The following MADD variants were observed in gnomAD, a reference collection of about 807,000 sequenced individuals.
The protein encoded by MADD is MAP kinase-activating death domain protein.
MADD carries 109 observed loss-of-function variants against 176.7 expected under a neutral mutation model. That is an observed-to-expected ratio of 0.62 (90% CI 0.53 to 0.72). The LOEUF is 0.72. MADD is among the 30% of genes least tolerant of loss of function. MADD has a pLI of 0.00. For synonymous variants in MADD, 771 were observed against 771.3 expected (o/e 1.00, Z 0.01); for missense variants, 1,914 against 2,045.5 (o/e 0.94, Z 1.24).
At chr11:47,303,111 G>A (rs776622459) in intron 22 of MADD, among the ~76,000 whole-genome samples, 8 of 151,854 alleles carry the variant, frequency 5.3e-5, no homozygotes, top group Non-Finnish European at 1.0e-4. Context: ...ATTCTTGACT[G>A]AGATTCTTTT....
chr11:47,294,072 G>A lies in MADD; in HGVS notation c.3402+89G>A, dbSNP rs888752374. ...GTTAAAATAGAACAGTCAGACAGCC[G>A]GGCACAGTGGCTCATGCTTGTAATC... On this transcript the variant is annotated intron_variant, in intron 20 of 32. Transcript: ENST00000402192. 8.4e-6 allele frequency: 9 copies of A among 1,074,744 alleles called. No individual in the cohort carries two copies. The Admixed American group carries it at 1.2e-4, about 14-fold the overall frequency. 66.6% of individuals were successfully genotyped at this position (1,074,744 alleles called of 1,614,324 possible).
chr11:47,295,295 A>T lies in MADD; in HGVS notation c.3403-201A>T, dbSNP rs1484837363. ...CCAAAGTGCTAGGACTACAGGCGTG[A>T]GCCACTGTGCCCGGCCTATTTCTTT... On this transcript the variant is annotated intron_variant, in intron 20 of 32. Coordinates refer to ENST00000402192, the Ensembl canonical transcript of MADD. Among the ~76,000 whole-genome samples, 5 of 152,138 alleles carry T rather than the reference A, an allele frequency of 3.3e-5. No homozygotes were observed. In the East Asian group the frequency reaches 9.6e-4, roughly 29 times the overall value.
At chr11:47,296,683 C>T (rs1183924902) in intron 22 of MADD, among the ~76,000 whole-genome samples, 1 of 151,858 alleles carries the variant, frequency 6.6e-6, no homozygotes, top group African/African-American at 2.4e-5. Flanking sequence ...AAGAACTTCC[C>T]TAGATCACAC....
intron 26 of MADD, among the ~76,000 whole-genome samples, chr11:47,313,868 T>C (rs1320326568): frequency 6.6e-6 from 1 of 152,016 alleles, no homozygotes; most frequent in Non-Finnish European, 1.5e-5. Flanking sequence ...CAAGCTATTC[T>C]CCTGCCTCAG....
intron 22 of MADD, among the ~76,000 whole-genome samples, chr11:47,298,391 C>T (rs1017111426): frequency 7.9e-5 from 12 of 152,200 alleles, no homozygotes; most frequent in African/African-American, 2.7e-4. Flanking sequence ...TAAATGGAAG[C>T]GGCAGTGAGA....
At chr11:47,284,667 A>C in intron 12 of MADD, 102 bp downstream of exon 12, 1 of 1,428,880 alleles carries the variant, frequency 7.0e-7, no homozygotes, top group Non-Finnish European at 9.4e-7. Context: ...CTTCTCACAC[A>C]ATTTTCTCAT....
intron 19 of MADD, among the ~76,000 whole-genome samples, chr11:47,293,075 G>T: frequency 6.6e-6 from 1 of 152,168 alleles, no homozygotes; most frequent in East Asian, 1.9e-4. Flanking sequence ...GGACAAGGGG[G>T]GTGGTTTTCA....
At position 47,309,273 on chromosome 11, in the gene MADD, C is replaced by G. The variant is rs759846851; in HGVS notation, c.3752-8C>G. On this transcript the variant is annotated splice_region_variant and splice_polypyrimidine_tract_variant and intron_variant, in intron 23 of 32. Transcript: ENST00000402192. ...ATAGGCCCCCTAAGAAACCTTTATT[C>G]TATGCAGGCAAAGAGCGTTCTACTT... The G allele has an allele frequency of 4.3e-6, 7 of 1,612,680 alleles. No individual in the cohort carries two copies. Among genetic ancestry groups the G allele is most frequent in the Middle Eastern group, 3.3e-4 (2 of 6,076 alleles).
At chr11:47,290,552 A>G in intron 18 of MADD, 58 bp from the exon 20 acceptor site, 1 of 1,538,410 alleles carries the variant, frequency 6.5e-7, no homozygotes, top group Non-Finnish European at 8.9e-7. Flanking sequence ...CCCACCTCAT[A>G]TCTGCGCCTT....
chr11:47,279,315 A>G (rs931025016), intron 7 of MADD, among the ~76,000 whole-genome samples: 10 of 151,434 alleles, frequency 6.6e-5, no homozygotes, highest in Admixed American at 2.0e-4. Context: ...GCTGTATAAA[A>G]TAGCCCTTCA....
chr11:47,310,138 G>A (rs944220186), intron 25 of MADD, among the ~76,000 whole-genome samples: 1 of 150,474 alleles, frequency 6.6e-6, no homozygotes, highest in African/African-American at 2.4e-5. Flanking sequence ...CAGTGCGCCC[G>A]ACCAAGAACT....
rs779738533 is a variant in MADD, at chr11:47,284,341, G to A, written c.1967-34G>A. ...CAGGGGTTGGGGGCCCAAGGATGGA[G>A]TGGTCTGTACCTGCCTCCCTTGGAT... On this transcript the variant is annotated intron_variant, in intron 11 of 32. Transcript: ENST00000402192. 1.4e-5 allele frequency: 22 copies of A among 1,613,816 alleles called. 1 individual carries two copies. The South Asian group carries it at 2.2e-4, about 16-fold the overall frequency.
intron 26 of MADD, among the ~76,000 whole-genome samples, chr11:47,313,909 G>A (rs1446033401): frequency 6.6e-6 from 1 of 151,926 alleles, no homozygotes; most frequent in Non-Finnish European, 1.5e-5. Flanking sequence ...ACAGGTGCCC[G>A]CCACAACGCC....
At position 47,284,365 on chromosome 11, in the gene MADD, A is replaced by G; in HGVS notation, c.1967-10A>G. ...AGTGGTCTGTACCTGCCTCCCTTGGATTTTGGCAGATGTGGACCCTCTGAC... is the reference window on the plus strand; with the variant it reads ...AGTGGTCTGTACCTGCCTCCCTTGGGTTTTGGCAGATGTGGACCCTCTGAC... On this transcript the variant is annotated splice_polypyrimidine_tract_variant and intron_variant, in intron 11 of 32. Coordinates refer to ENST00000402192, the Ensembl canonical transcript of MADD. 1 of 1,614,032 alleles carries G rather than the reference A, an allele frequency of 6.2e-7. No individual in the cohort carries two copies. The highest frequency in any genetic ancestry group is 8.5e-7 in the Non-Finnish European group (1 of 1,179,964).
chr11:47,323,552 G>A, intron 27 of MADD, 119 bp from the exon 31 acceptor site: 4 of 978,574 alleles, frequency 4.1e-6, no homozygotes, highest in Non-Finnish European at 6.2e-6. Flanking sequence ...GAAACCATGA[G>A]CGTAAGGCAG....
At chr11:47,290,547 C>G in intron 18 of MADD, 63 bp from the exon 20 acceptor site, 1 of 1,517,276 alleles carries the variant, frequency 6.6e-7, no homozygotes, top group Non-Finnish European at 9.0e-7. Context: ...CTCCTCCCAC[C>G]TCATATCTGC....
rs1372510305 is a variant in MADD, at chr11:47,314,942, TAATC to T, written c.4090-276_4090-273del. Among the ~76,000 whole-genome samples the T allele has an allele frequency of 1.2e-4, 19 of 152,320 alleles. No individual in the cohort carries two copies. In the South Asian group the frequency reaches 3.7e-3, roughly 30 times the overall value. Reference sequence around the variant, plus strand: ...ATTAATCATTAATTGTTTTTATAATTAATCATTTGAGAAATTTCTGTTTAAATTT... The same window carrying T: ...ATTAATCATTAATTGTTTTTATAATTATTTGAGAAATTTCTGTTTAAATTT... On this transcript the variant is annotated intron_variant, in intron 26 of 32. Coordinates refer to ENST00000402192, the Ensembl canonical transcript of MADD.
chr11:47,324,193 G>T, intron 28 of MADD, 72 bp from the exon 32 acceptor site: 1 of 1,370,074 alleles, frequency 7.3e-7, no homozygotes, highest in Non-Finnish European at 1.0e-6. Flanking sequence ...GCCTTCAGTG[G>T]CCATTATAGA....
At chr11:47,281,351 C>CA (rs1455841580) in intron 7 of MADD, among the ~76,000 whole-genome samples, 2 of 152,202 alleles carry the variant, frequency 1.3e-5, no homozygotes, top group Admixed American at 1.3e-4. Context: ...CTACATATTT[C>CA]AAACTGTTTT....
Sources: gnomAD v4.1 joint callset for allele counts (sites outside exome capture counted in the v4.1 genomes callset) on GRCh38, gnomAD v4.1.1 for gene constraint, MANE v1.5 for transcripts, NCBI Gene and HGNC (gene_info 2026-07-23, HGNC 2026-07-21) for gene names.